Variants in PDZK1 observed in about 807,000 individuals in gnomAD.
The protein encoded by PDZK1 is PDZ domain containing 1, also known as Na(+)/H(+) exchange regulatory cofactor NHE-RF3.
PDZK1 carries 23 observed loss-of-function variants against 38.1 expected under a neutral mutation model. The observed-to-expected ratio is 0.60, with a 90% confidence interval of 0.43 to 0.85. The LOEUF (loss-of-function observed/expected upper bound fraction) is 0.85, where lower values mean the gene tolerates loss of function less well. Ranked by LOEUF, PDZK1 falls within the 40% of genes least tolerant of loss-of-function variation. The pLI is 0.00. For synonymous variants in PDZK1, 98 were observed against 186.2 expected (o/e 0.53, Z 3.86); for missense variants, 297 against 504.3 (o/e 0.59, Z 3.94).
intron 6 of PDZK1, among the ~76,000 whole-genome samples, chr1:145,676,643 T>C (rs1229577827): frequency 1.3e-5 from 2 of 149,196 alleles, no homozygotes; most frequent in Non-Finnish European, 3.0e-5. Context: ...GGGGAATCGC[T>C]TGAACCCGGG....
chr1:145,672,754 A>T lies in PDZK1; in HGVS notation c.1482T>A (p.His494Gln). The T allele has an allele frequency of 6.2e-7, 1 of 1,611,952 alleles. No homozygotes were observed. The highest frequency in any genetic ancestry group is 1.3e-5 in the African/African-American group (1 of 74,974). ...CCCGTTCTTTTGCCATGTGCGAGTC[A>T]TGGTTTGACTCCACCACTATTCCTT... Reference protein sequence around the residue: ...SKEGIVVESNHDSHMAKERAH... With the variant: ...SKEGIVVESNQDSHMAKERAH... Residue 494 changes from histidine (H) to glutamine (Q), a missense_variant, in exon 8 of 9, where the codon CAT becomes CAA. His to Gln is a conservative substitution (Grantham distance 24). Around this residue, in one of 5 missense-constraint regions of PDZK1, gnomAD observed 54 missense variants for 72.1 expected, o/e 0.75. Transcript: ENST00000417171.
chr1:145,679,669 T>C (rs1288572822), intron 5 of PDZK1, among the ~76,000 whole-genome samples: 3 of 152,200 alleles, frequency 2.0e-5, no homozygotes, highest in Non-Finnish European at 4.4e-5. Flanking sequence ...ACATAATTAC[T>C]GTATCTTCTC....
At chr1:145,682,684 C>T (rs1553700655) in intron 3 of PDZK1, 48 bp from the exon 4 acceptor site, 1 of 1,421,524 alleles carries the variant, frequency 7.0e-7, no homozygotes, top group Non-Finnish European at 9.6e-7. Context: ...AAGTGACTCC[C>T]TCTTGGATGG....
intron 1 of PDZK1, among the ~76,000 whole-genome samples, chr1:145,697,871 G>GT (rs1655728698): frequency 7.3e-6 from 1 of 137,296 alleles, no homozygotes; most frequent in Non-Finnish European, 1.5e-5. Flanking sequence ...GCCCGCCTCA[G>GT]CCTCCCAAAG....
intron 5 of PDZK1, among the ~76,000 whole-genome samples, chr1:145,680,635 C>T (rs1346330322): frequency 1.4e-4 from 22 of 151,946 alleles, no homozygotes; most frequent in South Asian, 1.0e-3. Context: ...CAAAAACAAA[C>T]GCTACCAATT....
chr1:145,677,910 TAAAAAAAAAAAAAAAA>T (rs71077285), intron 6 of PDZK1, among the ~76,000 whole-genome samples: 3 of 68,588 alleles, frequency 4.4e-5, no homozygotes, highest in African/African-American at 5.7e-5. Flanking sequence ...GTGTTAAAAG[TAAAAAAAAAAAAAAAA>T]AAAAAAAAAA....
rs1553702304 is a variant in PDZK1, at chr1:145,687,997, C to A, written c.25G>T (p.Glu9Ter). 6.2e-7 allele frequency: 1 copy of A among 1,613,220 alleles called. No individual in the cohort carries two copies. The highest frequency in any genetic ancestry group is 1.1e-5 in the South Asian group (1 of 91,008). Residue 9 changes from glutamate to a stop codon, truncating the protein, a stop_gained, in exon 2 of 9, where the codon GAA becomes TAA. Transcript: ENST00000417171. LOFTEE classifies it high-confidence loss of function. MTSTFNPR[E>*]CKLSKQEGQN... The stretch of plus-strand genomic sequence containing the variant: ...CCTTCTTGCTTGGACAGTTTACATT[C>A]TCGGGGGTTGAAGGTGGAGGTCATT...
At chr1:145,684,381 TG>T (rs1654562452) in intron 3 of PDZK1, among the ~76,000 whole-genome samples, 1 of 152,064 alleles carries the variant, frequency 6.6e-6, no homozygotes, top group African/African-American at 2.4e-5. Context: ...GCTAATTTTT[TG>T]TATTTTTAGT....
chr1:145,706,489 A>G (rs1438039514), intron 1 of PDZK1, among the ~76,000 whole-genome samples: 1 of 152,168 alleles, frequency 6.6e-6, no homozygotes, highest in Non-Finnish European at 1.5e-5. Context: ...CACATTGCAG[A>G]GATTTTAGTA....
At chr1:145,696,550 A>C (rs1655639254) in intron 1 of PDZK1, among the ~76,000 whole-genome samples, 1 of 152,234 alleles carries the variant, frequency 6.6e-6, no homozygotes, top group African/African-American at 2.4e-5. Context: ...TGCACAGAGA[A>C]TAAAGCCATG....
chr1:145,699,716 CA>C (rs1159730664), intron 1 of PDZK1, among the ~76,000 whole-genome samples: 1 of 152,192 alleles, frequency 6.6e-6, no homozygotes, highest in Non-Finnish European at 1.5e-5. Flanking sequence ...GATGTGTATA[CA>C]AAAGGGAATC....
intron 1 of PDZK1, among the ~76,000 whole-genome samples, chr1:145,693,830 G>A (rs1222616082): frequency 1.3e-5 from 2 of 151,770 alleles, no homozygotes; most frequent in Non-Finnish European, 2.9e-5. Context: ...CTCAGCCTCA[G>A]GATAACTCCC....
At chr1:145,689,607 A>G (rs1655075363) in intron 1 of PDZK1, among the ~76,000 whole-genome samples, 1 of 152,210 alleles carries the variant, frequency 6.6e-6, no homozygotes, top group African/African-American at 2.4e-5. Context: ...AGAGGCTGAT[A>G]CAGAAGGCAG....
chr1:145,688,525 A>G (rs1347406121), intron 1 of PDZK1, among the ~76,000 whole-genome samples: 1 of 152,174 alleles, frequency 6.6e-6, no homozygotes, highest in African/African-American at 2.4e-5. Flanking sequence ...GAATGCAGTG[A>G]TAAGGGGGAA....
chr1:145,689,861 G>A (rs1325685118), intron 1 of PDZK1, among the ~76,000 whole-genome samples: 2 of 152,092 alleles, frequency 1.3e-5, no homozygotes, highest in East Asian at 1.9e-4. Context: ...TGACCTTCAT[G>A]CCCACAGAGA....
intron 2 of PDZK1, among the ~76,000 whole-genome samples, chr1:145,687,524 CAA>C (rs11420111): frequency 0.024 from 1,534 of 64,664 alleles, 11 homozygotes; most frequent in African/African-American, 0.069. Flanking sequence ...AACTCCATCT[CAA>C]AAAAAAAAAA....
chr1:145,677,925 A>C (rs1460349386), intron 6 of PDZK1, among the ~76,000 whole-genome samples: 4 of 144,418 alleles, frequency 2.8e-5, no homozygotes, highest in Admixed American at 1.3e-4. Flanking sequence ...AAAAAAAAAA[A>C]AAAAAAAAAA....
intron 1 of PDZK1, among the ~76,000 whole-genome samples, chr1:145,698,792 TGTG>T (rs1427190004): frequency 2.6e-5 from 4 of 151,386 alleles, no homozygotes; most frequent in Non-Finnish European, 5.9e-5. Flanking sequence ...ATTAGCCAGG[TGTG>T]GTGGCAGGCA....
intron 4 of PDZK1, 141 bp from the exon 5 acceptor site, chr1:145,681,248 ACTATGCC>A: frequency 2.1e-6 from 1 of 474,104 alleles, no homozygotes; most frequent in South Asian, 2.2e-5. Flanking sequence ...AAGCTGTTAC[ACTATGCC>A]CTACCAGCTA....
Sources: allele counts gnomAD v4.1 joint callset (sites outside exome capture counted in the v4.1 genomes callset), GRCh38; gene constraint gnomAD v4.1.1; regional missense constraint gnomAD v4.1.1; transcripts MANE v1.5; gene names NCBI Gene and HGNC (gene_info 2026-07-23, HGNC 2026-07-21).